The following ADGRE5 variants were observed in gnomAD, a reference collection of about 807,000 sequenced individuals.
The protein encoded by ADGRE5 is CD97 molecule.
Under a neutral mutation model 100.3 loss-of-function variants are expected in ADGRE5, and 72 were observed. The ratio of observed to expected loss-of-function variants is 0.72; its 90% confidence interval spans 0.59 to 0.87. The LOEUF is 0.87. Among genes scored for constraint, ADGRE5 ranks in the 40% least tolerant of loss-of-function variants. ADGRE5 has a pLI of 0.00. For synonymous variants in ADGRE5, 439 were observed against 447.8 expected (o/e 0.98, Z 0.25); for missense variants, 959 against 1,094.7 (o/e 0.88, Z 1.75).
chr19:14,391,410 G>A (rs996172141), intron 4 of ADGRE5: 4 of 304,218 alleles, frequency 1.3e-5, no homozygotes, highest in East Asian at 7.2e-5. Flanking sequence ...AGGCTGAGGC[G>A]GGAGGATCTC....
chr19:14,398,359 G>A, intron 9 of ADGRE5: 1 of 566,668 alleles, frequency 1.8e-6, no homozygotes, highest in Non-Finnish European at 3.2e-6. Context: ...AATGGCAACA[G>A]AGTGCAGCAC....
rs200893801 is a variant in ADGRE5, at chr19:14,407,008, G to A, written c.2207+48G>A. ...CTTGGAGGCGGGGCCGGGGTGAGGG[G>A]CATGAAGCTGGAGGTGAGGTGGGGG... On this transcript the variant is annotated intron_variant, in intron 17 of 19. Transcript: ENST00000242786. 5.5e-5 allele frequency: 88 copies of A among 1,613,686 alleles called. No homozygotes were observed. The Admixed American group carries it at 7.8e-4, about 14-fold the overall frequency.
chr19:14,397,737 C>T lies in ADGRE5; in HGVS notation c.705C>T (p.Cys235=), dbSNP rs1298222169. ...TCAACACCGTGGGTTCATACAGCTG[C>T]CGCTGCCGCCCAGGCTGGAAGCCCA... is the stretch of plus-strand genomic sequence containing the variant. ...VCFNTVGSYS[C]RCRPGWKPRH... is the part of the protein sequence containing the mutation. The change falls in exon 7 of 20, where the codon TGC becomes TGT. Residue 235 remains cysteine, a synonymous_variant. Coordinates refer to ENST00000242786, the MANE Select transcript of ADGRE5 (RefSeq NM_078481.4). 4 of 1,418,260 alleles carry T rather than the reference C, an allele frequency of 2.8e-6. No homozygotes were observed. Among genetic ancestry groups the T allele is most frequent in the Non-Finnish European group, 3.9e-6 (4 of 1,022,500 alleles). 87.9% of individuals were successfully genotyped at this position (1,418,260 alleles called of 1,614,324 possible). A position where few individuals can be genotyped will look rare whatever the true frequency, so the allele number is the denominator to read the frequency against.
intron 4 of ADGRE5, chr19:14,396,109 G>A (rs1975766218): frequency 4.7e-6 from 3 of 640,386 alleles, no homozygotes; most frequent in Non-Finnish European, 7.6e-6. Context: ...CCCCAGCTTG[G>A]AGCTGCCCAG....
At chr19:14,387,112 C>CA (rs1975385419) in intron 1 of ADGRE5, among the ~76,000 whole-genome samples, 1 of 152,160 alleles carries the variant, frequency 6.6e-6, no homozygotes, top group Non-Finnish European at 1.5e-5. Flanking sequence ...GGTTTACTCC[C>CA]ACACACACTA....
rs1410010910 is a variant in ADGRE5, at chr19:14,406,954, A to C, written c.2201A>C (p.Lys734Thr). 8.7e-6 allele frequency: 14 copies of C among 1,614,066 alleles called. No individual in the cohort carries two copies. Among genetic ancestry groups the C allele is most frequent in the South Asian group, 2.2e-5 (2 of 91,088 alleles). ...AATCCAGACATGAAGAAATTAAAGA[A>C]GGCGAGGTGAGAGGAGAGGCTGGAA... ...EINPDMKKLK[K>T]ARALTITAIA... is the part of the protein sequence containing the mutation. Residue 734 changes from lysine to threonine, a missense_variant, in exon 17 of 20, where the codon AAG (lysine) becomes ACG (threonine). Physicochemically the swap from Lys to Thr is moderately conservative, Grantham distance 78. Coordinates refer to ENST00000242786, the MANE Select transcript of ADGRE5 (RefSeq NM_078481.4). This position sits in a 1 kb window ranked among gnomAD's most constrained non-coding sequence, Gnocchi z 6.0.
chr19:14,389,498 C>A (rs185359507), intron 3 of ADGRE5, among the ~76,000 whole-genome samples: 1 of 150,196 alleles, frequency 6.7e-6, no homozygotes, highest in African/African-American at 2.4e-5. Flanking sequence ...TTCAGGAGGC[C>A]GAGGTGGACA....
At chr19:14,390,896 G>A in intron 3 of ADGRE5, 28 bp from the exon 4 acceptor site, 2 of 1,609,058 alleles carry the variant, frequency 1.2e-6, no homozygotes. Flanking sequence ...ATCTTTGGGA[G>A]GTGACTCCCT....
intron 1 of ADGRE5, among the ~76,000 whole-genome samples, chr19:14,384,886 C>CCT (rs1181118790): frequency 6.6e-6 from 1 of 150,700 alleles, no homozygotes; most frequent in Admixed American, 6.6e-5. Context: ...TCTCTGTCTC[C>CCT]CTCTCTCTCT....
rs1008223187 is a variant in ADGRE5, at chr19:14,406,226, G to T, written c.1822-105G>T. 3 of 924,740 alleles carry T rather than the reference G, an allele frequency of 3.2e-6. No homozygotes were observed. Among genetic ancestry groups the T allele is most frequent in the Non-Finnish European group, 4.8e-6 (3 of 628,448 alleles). 57.3% of individuals were successfully genotyped at this position (924,740 alleles called of 1,614,324 possible). A position where few individuals can be genotyped will look rare whatever the true frequency, so the allele number is the denominator to read the frequency against. ...CCCGCTCCAGACCCGCCCACCCTCC[G>T]GCTGTGGTCCCGCCCACTCTCGGGA... On this transcript the variant is annotated intron_variant, in intron 14 of 19. Coordinates refer to ENST00000242786, the MANE Select transcript of ADGRE5 (RefSeq NM_078481.4). This position sits in a 1 kb window ranked among gnomAD's most constrained non-coding sequence, Gnocchi z 6.0.
Position 14,402,737 on chromosome 19 carries a change from C to T in ADGRE5, c.1324C>T (p.Leu442Phe), listed in dbSNP as rs755596827. 2.5e-6 allele frequency: 4 copies of T among 1,614,040 alleles called. No homozygotes were observed. The highest frequency in any genetic ancestry group is 1.3e-5 in the African/African-American group (1 of 74,930). Residue 442 changes from leucine (L) to phenylalanine (F), a missense_variant, in exon 12 of 20, where the codon CTC (leucine) becomes TTC (phenylalanine). Coordinates refer to ENST00000242786, the MANE Select transcript of ADGRE5 (RefSeq NM_078481.4). ...CATCCGTGGTGTCCAACTCAGACGC[C>T]TCTCTGCCGTCAACTCCATCTTTCT... ...SSIRGVQLRR[L>F]SAVNSIFLSH... is the part of the protein sequence containing the mutation.
At position 14,391,867 on chromosome 19, in the gene ADGRE5, G is replaced by T. The variant is rs187432313; in HGVS notation, c.346+788G>T. Reference sequence around the variant, plus strand: ...AATCCCAACACTTTGGGAGGCCGAGGTGGGTGGATCACAACGTCAGGAGTT... The same window carrying T: ...AATCCCAACACTTTGGGAGGCCGAGTTGGGTGGATCACAACGTCAGGAGTT... On this transcript the variant is annotated intron_variant, in intron 4 of 19. Transcript: ENST00000242786. 1.4e-3 allele frequency among the ~76,000 whole-genome samples: 220 copies of T among 152,214 alleles called. 4 individuals are homozygous for T. In the East Asian group the frequency reaches 0.036, roughly 25 times the overall value.
At chr19:14,382,253 C>G in intron 1 of ADGRE5, among the ~76,000 whole-genome samples, 1 of 152,200 alleles carries the variant, frequency 6.6e-6, no homozygotes, top group Non-Finnish European at 1.5e-5. Flanking sequence ...ACCACAGGGA[C>G]ACAGCTTCCC....
At chr19:14,394,871 A>T (rs572202737) in intron 4 of ADGRE5, among the ~76,000 whole-genome samples, 1 of 152,278 alleles carries the variant, frequency 6.6e-6, no homozygotes, top group East Asian at 1.9e-4. Context: ...CTGGCCGTTT[A>T]GCCCTCATCC....
intron 18 of ADGRE5, 51 bp downstream of exon 18, chr19:14,407,280 G>C (rs1224164549): frequency 8.1e-6 from 13 of 1,596,916 alleles, no homozygotes; most frequent in African/African-American, 1.3e-5. Flanking sequence ...CACCTATTTG[G>C]GAGGCTGAGG....
rs551262022 is a variant in ADGRE5 at position 14,402,953 on chromosome 19, C to G, written c.1449+91C>G. The G allele has an allele frequency of 6.5e-4, 854 of 1,308,852 alleles. No individual in the cohort carries two copies. Among genetic ancestry groups the G allele is most frequent in the Non-Finnish European group, 8.7e-4 (804 of 926,166 alleles). 81.1% of individuals were successfully genotyped at this position (1,308,852 alleles called of 1,614,324 possible). ...TCTGGGATGCTCTTTCCCGACGTGA[C>G]TCAGTCTTTTATGTTTCTGGCCTTC... On this transcript the variant is annotated intron_variant, in intron 12 of 19. Coordinates refer to ENST00000242786, the MANE Select transcript of ADGRE5 (RefSeq NM_078481.4).
At chr19:14,383,025 C>T (rs934297917) in intron 1 of ADGRE5, among the ~76,000 whole-genome samples, 17 of 151,976 alleles carry the variant, frequency 1.1e-4, no homozygotes, top group Middle Eastern at 3.2e-3. Context: ...CATGAGCCAC[C>T]GCGCCCAGCC....
At chr19:14,403,864 C>CTTTTTTT (rs58411522) in intron 12 of ADGRE5, among the ~76,000 whole-genome samples, 1 of 74,264 alleles carries the variant, frequency 1.3e-5, no homozygotes, top group Non-Finnish European at 2.6e-5. Flanking sequence ...GCCTCTCCCA[C>CTTTTTTT]TTTTTTTTTT....
At chr19:14,384,516 C>A (rs1379965942) in intron 1 of ADGRE5, among the ~76,000 whole-genome samples, 1 of 152,180 alleles carries the variant, frequency 6.6e-6, no homozygotes, top group Non-Finnish European at 1.5e-5. Context: ...CCCTTCAGGT[C>A]TCCCTGGATT....
Sources: gnomAD v4.1 joint callset for allele counts (sites outside exome capture counted in the v4.1 genomes callset) on GRCh38, gnomAD v4.1.1 for gene constraint, Gnocchi (gnomAD v3.1) non-coding constraint, MANE v1.5 for transcripts, NCBI Gene and HGNC (gene_info 2026-07-23, HGNC 2026-07-21) for gene names.